Variants in CIRSR observed in about 807,000 individuals in gnomAD.
CIRSR encodes corepressor of RBPJ and splicing regulator.
the CIRSR span, among the ~76,000 whole-genome samples, chr2:174,375,956 C>T: frequency 1.3e-5 from 2 of 152,210 alleles, no homozygotes; most frequent in African/African-American, 4.8e-5. Flanking sequence ...CCTTCTGGCT[C>T]AAACAATCCT....
the CIRSR span, among the ~76,000 whole-genome samples, chr2:174,377,993 T>C: frequency 1.3e-5 from 2 of 152,148 alleles, no homozygotes; most frequent in African/African-American, 4.8e-5. Flanking sequence ...GGGTAAACCC[T>C]GGGCTCAGAA....
At chr2:174,379,462 G>A in the CIRSR span, among the ~76,000 whole-genome samples, 2 of 152,140 alleles carry the variant, frequency 1.3e-5, no homozygotes, top group East Asian at 3.8e-4. Context: ...TGGGACAGAT[G>A]TTGTCTATTC....
At chr2:174,351,988 G>T in the CIRSR span, 1 of 282,402 alleles carries the variant, frequency 3.5e-6, no homozygotes, top group Admixed American at 5.1e-5. Flanking sequence ...ACATTTAGAT[G>T]TTATCTGGTT....
At chr2:174,369,183 C>T in the CIRSR span, among the ~76,000 whole-genome samples, 3 of 152,216 alleles carry the variant, frequency 2.0e-5, no homozygotes, top group East Asian at 5.8e-4. Flanking sequence ...GAACTTGCTG[C>T]AGCTTCTACA....
chr2:174,358,762 G>A, the CIRSR span, among the ~76,000 whole-genome samples: 1 of 151,786 alleles, frequency 6.6e-6, no homozygotes, highest in African/African-American at 2.4e-5. Flanking sequence ...GCCCAGACTG[G>A]AGTGCAGTGG....
the CIRSR span, among the ~76,000 whole-genome samples, chr2:174,355,635 A>G: frequency 6.6e-6 from 1 of 152,254 alleles, no homozygotes; most frequent in Admixed American, 6.5e-5. Flanking sequence ...GTCTCAGGAA[A>G]GAAAAAATTC....
the CIRSR span, among the ~76,000 whole-genome samples, chr2:174,386,667 C>T: frequency 6.6e-6 from 1 of 152,136 alleles, no homozygotes; most frequent in Non-Finnish European, 1.5e-5. Context: ...TGCCACGTTC[C>T]CTGGGCAGGG....
At chr2:174,380,337 T>C in the CIRSR span, 2 of 932,296 alleles carry the variant, frequency 2.1e-6, no homozygotes, top group East Asian at 2.7e-5. Flanking sequence ...AGTTTTACAG[T>C]TCTAAGAACA....
chr2:174,380,379 G>T, the CIRSR span: 3 of 685,530 alleles, frequency 4.4e-6, no homozygotes. Flanking sequence ...TAAGAATACA[G>T]AACTATAAAA....
the CIRSR span, among the ~76,000 whole-genome samples, chr2:174,377,787 T>C: frequency 1.1e-4 from 13 of 123,702 alleles, no homozygotes; most frequent in Non-Finnish European, 1.6e-4. Context: ...ATTGCGCCAC[T>C]GCACTCCAGC....
chr2:174,370,972 A>C, the CIRSR span, among the ~76,000 whole-genome samples: 1 of 152,130 alleles, frequency 6.6e-6, no homozygotes, highest in African/African-American at 2.4e-5. Context: ...GGCAGGTATC[A>C]GTGGTTTTAC....
chr2:174,349,251 T>C, the CIRSR span: 4 of 833,600 alleles, frequency 4.8e-6, no homozygotes, highest in South Asian at 2.1e-5. Context: ...ACAAACAATA[T>C]ATTTTCTTAG....
the CIRSR span, among the ~76,000 whole-genome samples, chr2:174,381,954 C>T: frequency 6.6e-6 from 1 of 152,144 alleles, no homozygotes; most frequent in Admixed American, 6.5e-5. Context: ...TTAAACAGTG[C>T]TGTCTCTTTA....
At chr2:174,368,122 T>C in the CIRSR span, among the ~76,000 whole-genome samples, 9 of 152,168 alleles carry the variant, frequency 5.9e-5, no homozygotes, top group Non-Finnish European at 1.3e-4. Context: ...TCCACGATAA[T>C]AGCTGGAGAT....
the CIRSR span, among the ~76,000 whole-genome samples, chr2:174,355,544 A>G: frequency 2.0e-5 from 3 of 152,190 alleles, no homozygotes; most frequent in African/African-American, 7.2e-5. Flanking sequence ...TGTGATATGG[A>G]TAAGTATCAA....
chr2:174,368,396 A>G, the CIRSR span, among the ~76,000 whole-genome samples: 1 of 152,242 alleles, frequency 6.6e-6, no homozygotes, highest in African/African-American at 2.4e-5. Flanking sequence ...ATGGAATTCA[A>G]CCAGAAATCA....
the CIRSR span, chr2:174,380,751 CAT>C: frequency 6.2e-7 from 1 of 1,606,244 alleles, no homozygotes; most frequent in Non-Finnish European, 8.5e-7. Flanking sequence ...TTAATTTTTC[CAT>C]ATAATACAAT....
chr2:174,352,571 T>C, the CIRSR span, among the ~76,000 whole-genome samples: 1 of 152,162 alleles, frequency 6.6e-6, no homozygotes, highest in East Asian at 1.9e-4. Flanking sequence ...GGCAAAACCA[T>C]GTCTCTAAAT....
At chr2:174,364,458 C>T in the CIRSR span, among the ~76,000 whole-genome samples, 1 of 152,224 alleles carries the variant, frequency 6.6e-6, no homozygotes, top group Admixed American at 6.5e-5. Context: ...CACAGCTCTA[C>T]TAAGCAGTGC....
Sources: gnomAD v4.1 joint callset for allele counts (sites outside exome capture counted in the v4.1 genomes callset) on GRCh38, gnomAD v4.1.1 for gene constraint, MANE v1.5 for transcripts, NCBI Gene and HGNC (gene_info 2026-07-23, HGNC 2026-07-21) for gene names.